TM7SF3: variants seen among roughly 807,000 people sequenced by gnomAD.
TM7SF3 encodes the protein seven span transmembrane protein.
Under a neutral mutation model 65.5 loss-of-function variants are expected in TM7SF3, and 60 were observed. That is an observed-to-expected ratio of 0.92 (90% CI 0.74 to 1.14). The LOEUF is 1.14. Ranked by LOEUF, TM7SF3 falls within the 50% of genes most tolerant of loss-of-function variation. The pLI, the probability that TM7SF3 is intolerant of heterozygous loss-of-function variation, is 0.00. For synonymous variants in TM7SF3, 264 were observed against 259.6 expected, an observed-to-expected ratio of 1.02 and a Z score of -0.16; for missense variants, 623 against 684.8, an observed-to-expected ratio of 0.91 and a Z score of 1.01.
intron 6 of TM7SF3, among the ~76,000 whole-genome samples, chr12:26,987,189 C>G (rs903245219): frequency 2.6e-5 from 4 of 152,212 alleles, no homozygotes; most frequent in African/African-American, 9.6e-5. Context: ...AAGATGCTCT[C>G]CAGCTAAGAC....
At position 26,973,852 on chromosome 12, in the gene TM7SF3, T is replaced by G; in HGVS notation, c.*113A>C. 7.6e-7 allele frequency: 1 copy of G among 1,321,832 alleles called. No homozygotes were observed. The highest frequency in any genetic ancestry group is 2.3e-5 in the East Asian group (1 of 43,314). 81.9% of individuals were successfully genotyped at this position (1,321,832 alleles called of 1,614,324 possible). On this transcript the variant is annotated 3_prime_UTR_variant, in exon 12 of 12. Coordinates refer to ENST00000343028, the MANE Select transcript of TM7SF3 (RefSeq NM_016551.3). ...TATCAATAAGGGCACCATAATATTA[T>G]GCAAAGAACAGATATATATGCCTGA...
intron 5 of TM7SF3, among the ~76,000 whole-genome samples, chr12:26,992,843 C>T (rs1940430272): frequency 1.3e-5 from 2 of 151,648 alleles, no homozygotes; most frequent in African/African-American, 4.8e-5. Flanking sequence ...AATACCTTAG[C>T]TCACCTACGA....
intron 5 of TM7SF3, among the ~76,000 whole-genome samples, chr12:26,994,171 G>A (rs1940491569): frequency 6.6e-6 from 1 of 152,026 alleles, no homozygotes; most frequent in African/African-American, 2.4e-5. Context: ...ATCTAATAAA[G>A]CAACTAATAA....
intron 6 of TM7SF3, among the ~76,000 whole-genome samples, chr12:26,985,551 A>C (rs1418100362): frequency 7.0e-6 from 1 of 142,378 alleles, no homozygotes; most frequent in Non-Finnish European, 1.5e-5. Context: ...CTTGAACCTG[A>C]GAGGCAGTGG....
intron 9 of TM7SF3, chr12:26,979,062 T>C (rs1242099679): frequency 6.6e-6 from 1 of 152,224 alleles, no homozygotes; most frequent in East Asian, 1.9e-4. Context: ...TGTACTCTAT[T>C]ATATCCTGCA....
intron 7 of TM7SF3, 82 bp downstream of exon 7, chr12:26,982,691 T>C: frequency 1.1e-6 from 1 of 899,974 alleles, no homozygotes. Context: ...GATAAGTAAG[T>C]GCTTACTCTC....
At chr12:27,011,469 C>G (rs896539707) in intron 1 of TM7SF3, among the ~76,000 whole-genome samples, 3 of 152,206 alleles carry the variant, frequency 2.0e-5, no homozygotes, top group Non-Finnish European at 4.4e-5. Flanking sequence ...TCTAGGAACT[C>G]CATCTGCCAC....
rs375884832 is a variant in TM7SF3 at position 27,004,409 on chromosome 12, G to C, written c.92-1019C>G. On this transcript the variant is annotated intron_variant, in intron 1 of 11. Coordinates refer to ENST00000343028, the MANE Select transcript of TM7SF3 (RefSeq NM_016551.3). ...ATTTAGATTAAATATAGATGAAAAG[G>C]AATTGATGAAAAAAGATTATAATTC... Among the ~76,000 whole-genome samples, 12 of 152,192 alleles carry C rather than the reference G, an allele frequency of 7.9e-5. No individual in the cohort carries two copies. In the South Asian group the frequency reaches 2.5e-3, roughly 32 times the overall value.
At position 26,990,507 on chromosome 12, in the gene TM7SF3, G is replaced by C. The variant is rs764601737; in HGVS notation, c.811C>G (p.Pro271Ala). The change falls in exon 6 of 12, where the codon CCT (proline) becomes GCT (alanine). Residue 271 changes from proline (P) to alanine (A), a missense_variant. Transcript: ENST00000343028. ...AAGCTGCAAGCGTATGTGTGAGCAGGAATGTAGGCAGCAGATGTATTTAGA... is the reference window on the plus strand; with the variant it reads ...AAGCTGCAAGCGTATGTGTGAGCAGCAATGTAGGCAGCAGATGTATTTAGA... ...PFLNTSAAYIPAHTYACSFEA... is the reference protein window; with the variant it reads ...PFLNTSAAYIAAHTYACSFEA... 6.2e-7 allele frequency: 1 copy of C among 1,613,964 alleles called. No individual in the cohort carries two copies. The highest frequency in any genetic ancestry group is 1.1e-5 in the South Asian group (1 of 91,080).
At chr12:26,997,450 A>T (rs1940644071) in intron 3 of TM7SF3, among the ~76,000 whole-genome samples, 1 of 152,074 alleles carries the variant, frequency 6.6e-6, no homozygotes, top group Non-Finnish European at 1.5e-5. Context: ...CCACACCACA[A>T]ATGGTATGTA....
At chr12:26,979,499 A>AT (rs1347375049) in intron 9 of TM7SF3, 1 of 341,504 alleles carries the variant, frequency 2.9e-6, no homozygotes, top group African/African-American at 2.1e-5. Context: ...TTACCTCCTT[A>AT]TTTCCTTTAC....
chr12:26,977,381 C>T (rs1235689611), intron 9 of TM7SF3, among the ~76,000 whole-genome samples: 1 of 152,378 alleles, frequency 6.6e-6, no homozygotes, highest in African/African-American at 2.4e-5. Flanking sequence ...TTGCTTCCCA[C>T]ATAAGGTGAA....
chr12:27,008,889 G>A (rs188627988), intron 1 of TM7SF3, among the ~76,000 whole-genome samples: 2 of 152,174 alleles, frequency 1.3e-5, no homozygotes, highest in Non-Finnish European at 2.9e-5. Context: ...GCCTGAAGAT[G>A]AGAAATTACT....
chr12:26,979,854 C>A lies in TM7SF3; in HGVS notation c.1119G>T (p.Ser373=), dbSNP rs200513801. ...VAVWWRFGIL[S]ICMLCVGLVL... ...CTAGTCCAACACAGAGCATGCAGAT[C>A]GAGAGGATTCCAAATCGCCACCACA... The change falls in exon 9 of 12, where the codon TCG becomes TCT. Residue 373 remains serine, a synonymous_variant. Coordinates refer to ENST00000343028, the MANE Select transcript of TM7SF3 (RefSeq NM_016551.3). The A allele has an allele frequency of 6.2e-7, 1 of 1,614,152 alleles. No homozygotes were observed. The highest frequency in any genetic ancestry group is 8.5e-7 in the Non-Finnish European group (1 of 1,180,012).
chr12:27,010,097 G>A (rs1405855786), intron 1 of TM7SF3, among the ~76,000 whole-genome samples: 1 of 152,222 alleles, frequency 6.6e-6, no homozygotes, highest in African/African-American at 2.4e-5. Context: ...CCTCAGGCAA[G>A]TAATGTACTT....
rs573333175 is a variant in TM7SF3, at chr12:26,982,484, C to T, written c.955+289G>A. On this transcript the variant is annotated intron_variant, in intron 7 of 11. Coordinates refer to ENST00000343028, the MANE Select transcript of TM7SF3 (RefSeq NM_016551.3). ...GAGCCACTGAGCCCGGCCCTGACAA[C>T]CAATGTCTAATCTCGGTTATCTTTA... 1.1e-4 allele frequency among the ~76,000 whole-genome samples: 16 copies of T among 152,322 alleles called. No homozygotes were observed. In the South Asian group the frequency reaches 2.7e-3, roughly 26 times the overall value.
chr12:27,001,388 G>C (rs1940825639), intron 2 of TM7SF3, among the ~76,000 whole-genome samples: 1 of 152,314 alleles, frequency 6.6e-6, no homozygotes, highest in Admixed American at 6.5e-5. Flanking sequence ...TTCCTCAGAT[G>C]TAGAAATAGG....
intron 1 of TM7SF3, 28 bp from the exon 2 acceptor site, chr12:27,003,418 A>C (rs1363046587): frequency 6.3e-7 from 1 of 1,585,472 alleles, no homozygotes; most frequent in African/African-American, 1.4e-5. Context: ...TTTCATTACA[A>C]CACTTGTACT....
chr12:27,008,072 C>A (rs1027895997), intron 1 of TM7SF3, among the ~76,000 whole-genome samples: 1 of 152,040 alleles, frequency 6.6e-6, no homozygotes, highest in Non-Finnish European at 1.5e-5. Context: ...TTGGGTGGAA[C>A]CTGTGAGTAG....
Sources: gnomAD v4.1 joint callset for allele counts (sites outside exome capture counted in the v4.1 genomes callset) on GRCh38, gnomAD v4.1.1 for gene constraint, MANE v1.5 for transcripts, NCBI Gene and HGNC (gene_info 2026-07-23, HGNC 2026-07-21) for gene names.